PRRC2C: variants seen among roughly 807,000 people sequenced by gnomAD.
The protein encoded by PRRC2C is proline rich coiled-coil 2C, also known as protein PRRC2C.
PRRC2C carries 72 observed loss-of-function variants against 317.2 expected under a neutral mutation model. The ratio of observed to expected loss-of-function variants is 0.23; its 90% CI spans 0.19 to 0.28. PRRC2C has a LOEUF of 0.28. Ranked by LOEUF, PRRC2C falls within the 10% of genes least tolerant of loss-of-function variation. The pLI is 1.00. For missense variants in PRRC2C, 3,074 were observed against 3,459.7 expected (o/e 0.89, Z 2.80); for synonymous variants, 1,296 against 1,205.9 (o/e 1.07, Z -1.55).
chr1:171,492,728 AT>A (rs1039424404), intron 1 of PRRC2C, among the ~76,000 whole-genome samples: 1 of 96,592 alleles, frequency 1.0e-5, no homozygotes, highest in Non-Finnish European at 2.3e-5. Context: ...GGGTAGGGGA[AT>A]TTTTTTAATT....
intron 20 of PRRC2C, among the ~76,000 whole-genome samples, chr1:171,565,199 C>G (rs1025953896): frequency 6.6e-6 from 1 of 152,112 alleles, no homozygotes; most frequent in East Asian, 1.9e-4. Flanking sequence ...GACCTTTACC[C>G]TAGGTATGTG....
At chr1:171,543,486 A>G (rs1678412289) in intron 16 of PRRC2C, among the ~76,000 whole-genome samples, 1 of 152,166 alleles carries the variant, frequency 6.6e-6, no homozygotes, top group Non-Finnish European at 1.5e-5. Context: ...TAAAATGGGG[A>G]GAAAATAATA....
chr1:171,501,019 C>A (rs529516185), intron 1 of PRRC2C, among the ~76,000 whole-genome samples: 276 of 152,340 alleles, frequency 1.8e-3, no homozygotes, highest in Non-Finnish European at 2.8e-3. Context: ...CCACCTCAGC[C>A]TCCTGAGTAG....
In PRRC2C at chr1:171,589,283, A is replaced by G. The variant is rs74930730; in HGVS notation, c.8200-86A>G. The stretch of plus-strand genomic sequence containing the variant: ...AGGATGGGCACAGATTTACTCTGGG[A>G]TGAGCCAACCTGGTCTAGTTGGCAG... On this transcript the variant is annotated intron_variant, in intron 33 of 34. Transcript: ENST00000647382. 5.8e-5 allele frequency: 41 copies of G among 706,430 alleles called. No individual in the cohort carries two copies. In the East Asian group the frequency reaches 1.8e-3, roughly 32 times the overall value. The allele number at this position is 706,430 out of a possible 1,614,324, so 43.8% of individuals were successfully genotyped here.
chr1:171,529,258 T>C (rs1675329397), intron 11 of PRRC2C, among the ~76,000 whole-genome samples: 1 of 152,204 alleles, frequency 6.6e-6, no homozygotes, highest in Admixed American at 6.5e-5. Flanking sequence ...ATGTCTTCTA[T>C]GAGCTGATGG....
intron 18 of PRRC2C, among the ~76,000 whole-genome samples, chr1:171,556,964 C>T (rs371945778): frequency 2.0e-5 from 3 of 152,270 alleles, no homozygotes; most frequent in African/African-American, 7.2e-5. Context: ...GTAAGTTTTG[C>T]TGCCAGTGAA....
At chr1:171,493,374 C>T (rs1421846659) in intron 1 of PRRC2C, among the ~76,000 whole-genome samples, 1 of 152,128 alleles carries the variant, frequency 6.6e-6, no homozygotes, top group Non-Finnish European at 1.5e-5. Flanking sequence ...GTGGCATGTA[C>T]TTGTAGTCCT....
At chr1:171,494,152 T>C (rs1306444315) in intron 1 of PRRC2C, among the ~76,000 whole-genome samples, 1 of 152,206 alleles carries the variant, frequency 6.6e-6, no homozygotes, top group Non-Finnish European at 1.5e-5. Context: ...AATCACCTCA[T>C]TAAGTAATCG....
chr1:171,580,116 C>T (rs970231955), intron 28 of PRRC2C, among the ~76,000 whole-genome samples, 152 bp downstream of exon 28: 10 of 152,196 alleles, frequency 6.6e-5, no homozygotes, highest in Admixed American at 5.9e-4. Flanking sequence ...GATTATATGT[C>T]ATGAACCTCA....
chr1:171,584,235 A>T, intron 29 of PRRC2C, 48 bp downstream of exon 29: 1 of 1,478,658 alleles, frequency 6.8e-7, no homozygotes, highest in South Asian at 1.2e-5. Context: ...TTCCTATGCC[A>T]CAGATCATTT....
At position 171,566,731 on chromosome 1, in the gene PRRC2C, T is replaced by C; in HGVS notation, c.6446T>C (p.Val2149Ala). 6.2e-7 allele frequency: 1 copy of C among 1,613,662 alleles called. No individual in the cohort carries two copies. Among genetic ancestry groups the C allele is most frequent in the Non-Finnish European group, 8.5e-7 (1 of 1,179,788 alleles). The change falls in exon 22 of 35, where the codon GTC becomes GCC. Residue 2149 changes from valine (V) to alanine (A), a missense_variant. By Grantham distance (64) the Val-to-Ala change is moderately conservative. Coordinates refer to ENST00000647382, the MANE Select transcript of PRRC2C (RefSeq NM_001387844.1). ...EGQEKPSPATVRSTDPVTTKE... is the reference protein window; with the variant it reads ...EGQEKPSPATARSTDPVTTKE... ...CAAGAGAAACCAAGCCCAGCTACAG[T>C]CAGAAGCACAGATCCTGTCACGACA...
chr1:171,494,527 C>G (rs1332999491), intron 1 of PRRC2C, among the ~76,000 whole-genome samples: 5 of 152,036 alleles, frequency 3.3e-5, no homozygotes, highest in Non-Finnish European at 1.5e-5. Flanking sequence ...TGGAAGAGAC[C>G]TTGTAAGTGG....
At chr1:171,562,053 G>A (rs886313974) in intron 20 of PRRC2C, among the ~76,000 whole-genome samples, 3 of 152,154 alleles carry the variant, frequency 2.0e-5, no homozygotes, top group African/African-American at 7.2e-5. Flanking sequence ...AGCAGGAAAG[G>A]TACATAAGGA....
In PRRC2C at chr1:171,522,239, T is replaced by C. The variant is rs745820629; in HGVS notation, c.813T>C (p.Pro271=). 1 of 1,587,874 alleles carries C rather than the reference T, an allele frequency of 6.3e-7. No homozygotes were observed. Among genetic ancestry groups the C allele is most frequent in the South Asian group, 1.1e-5 (1 of 90,124 alleles). The change falls in exon 7 of 35, where the codon CCT becomes CCC. Residue 271 remains proline, a synonymous_variant. Transcript: ENST00000647382. ...TACATGGTCCCATGAGATTCCCACCTTCTTTATCTGAAACAAACAAGTAAG... is the reference window on the plus strand; with the variant it reads ...TACATGGTCCCATGAGATTCCCACCCTCTTTATCTGAAACAAACAAGTAAG... The part of the protein sequence containing the change: ...PPLHGPMRFP[P]SLSETNKGLR...
At chr1:171,497,779 A>G (rs1047028366) in intron 1 of PRRC2C, among the ~76,000 whole-genome samples, 1 of 151,770 alleles carries the variant, frequency 6.6e-6, no homozygotes, top group African/African-American at 2.4e-5. Context: ...CTAATCGGGT[A>G]TTTTTACGTT....
chr1:171,568,584 G>C (rs576317663), intron 23 of PRRC2C, among the ~76,000 whole-genome samples: 79 of 152,116 alleles, frequency 5.2e-4, no homozygotes, highest in Non-Finnish European at 1.0e-3. Flanking sequence ...GCGTAGGCTT[G>C]GTTTCGTGTA....
chr1:171,530,676 T>C (rs569102876), intron 11 of PRRC2C, among the ~76,000 whole-genome samples: 8 of 152,182 alleles, frequency 5.3e-5, no homozygotes, highest in Non-Finnish European at 1.2e-4. Context: ...AGATATTCAG[T>C]GTCTTTAGTT....
intron 28 of PRRC2C, among the ~76,000 whole-genome samples, chr1:171,583,634 T>C (rs1572142359): frequency 6.6e-6 from 1 of 152,362 alleles, no homozygotes; most frequent in South Asian, 2.1e-4. Context: ...TATCAGATAT[T>C]ATGTACTGTA....
At chr1:171,511,634 A>C (rs1013588163) in intron 1 of PRRC2C, 2 of 153,136 alleles carry the variant, frequency 1.3e-5, no homozygotes, top group Non-Finnish European at 2.9e-5. Context: ...CAGGGATGTA[A>C]TATGTAGGGG....
Sources: gnomAD v4.1 joint callset for allele counts (sites outside exome capture counted in the v4.1 genomes callset) on GRCh38, gnomAD v4.1.1 for gene constraint, MANE v1.5 for transcripts, NCBI Gene and HGNC (gene_info 2026-07-23, HGNC 2026-07-21) for gene names.